Variants in PDZD2 observed in about 807,000 individuals in gnomAD.
The protein encoded by PDZD2 is PDZ domain containing 2.
Under a neutral mutation model 220.7 loss-of-function variants are expected in PDZD2, and 90 were observed. That is an observed-to-expected ratio of 0.41 (90% CI 0.34 to 0.49). The LOEUF (loss-of-function observed/expected upper bound fraction) is 0.49. PDZD2 is among the 20% of genes least tolerant of loss of function. The pLI, the probability that PDZD2 is intolerant of heterozygous loss-of-function variation, is 0.28. For synonymous variants in PDZD2, 1,375 were observed against 1,450.5 expected, an observed-to-expected ratio of 0.95 and a Z score of 1.18; for missense variants, 3,174 against 3,608.5, an observed-to-expected ratio of 0.88 and a Z score of 3.08.
chr5:32,078,005 A>C, intron 19 of PDZD2: 1 of 195,560 alleles, frequency 5.1e-6, no homozygotes. Context: ...TTAAGGAGAA[A>C]AATCTTTTAC....
intron 7 of PDZD2, among the ~76,000 whole-genome samples, chr5:32,038,602 G>A (rs1027635829): frequency 4.6e-5 from 7 of 151,454 alleles, no homozygotes; most frequent in East Asian, 1.9e-4. Flanking sequence ...TTACTATTAC[G>A]TTTATTTTTT....
At chr5:32,020,030 A>AATAT (rs371710368) in intron 6 of PDZD2, among the ~76,000 whole-genome samples, 8 of 150,758 alleles carry the variant, frequency 5.3e-5, no homozygotes, top group Non-Finnish European at 1.2e-4. Flanking sequence ...TGTAAAGTAG[A>AATAT]ATATATATAT....
At chr5:31,666,569 C>A (rs751601420) in intron 1 of PDZD2, among the ~76,000 whole-genome samples, 3 of 152,118 alleles carry the variant, frequency 2.0e-5, no homozygotes, top group Non-Finnish European at 4.4e-5. Flanking sequence ...AAAAATAGAA[C>A]CATGAGCTGG....
intron 1 of PDZD2, among the ~76,000 whole-genome samples, chr5:31,672,644 A>C (rs1317769652): frequency 6.6e-6 from 1 of 152,212 alleles, no homozygotes; most frequent in Non-Finnish European, 1.5e-5. Context: ...TTTGGAGTCT[A>C]GTATTTTTTC....
intron 2 of PDZD2, among the ~76,000 whole-genome samples, chr5:31,873,543 T>G (rs1739022922): frequency 6.8e-6 from 1 of 146,052 alleles, no homozygotes; most frequent in African/African-American, 2.6e-5. Flanking sequence ...TTTTATTTAT[T>G]TATTTATTTA....
intron 2 of PDZD2, among the ~76,000 whole-genome samples, chr5:31,963,021 T>C (rs1409334656): frequency 6.6e-6 from 1 of 152,220 alleles, no homozygotes; most frequent in Non-Finnish European, 1.5e-5. Flanking sequence ...TGCCTGTTAT[T>C]TCCTGCTGAG....
intron 1 of PDZD2, among the ~76,000 whole-genome samples, chr5:31,770,029 C>T (rs1261358082): frequency 6.6e-6 from 1 of 152,218 alleles, no homozygotes; most frequent in Non-Finnish European, 1.5e-5. Context: ...GCAGACTCTT[C>T]TTTTCCGAAA....
chr5:32,072,232 C>T lies in PDZD2; in HGVS notation c.2640C>T (p.Phe880=). 6.2e-7 allele frequency: 1 copy of T among 1,613,902 alleles called. No homozygotes were observed. The highest frequency in any genetic ancestry group is 8.5e-7 in the Non-Finnish European group (1 of 1,179,768). ...AHDVPGPLSD[F]MVAGSEDEDH... is the part of the protein sequence containing the mutation. ...ATGTCCCTGGCCCCTTGTCAGACTT[C>T]ATGGTGGCCGGTTCTGAGGACGAGG... The change falls in exon 17 of 25, where the codon TTC becomes TTT. Residue 880 remains phenylalanine, a synonymous_variant. Transcript: ENST00000438447.
At chr5:31,760,701 C>T (rs1441832619) in intron 1 of PDZD2, among the ~76,000 whole-genome samples, 2 of 152,090 alleles carry the variant, frequency 1.3e-5, no homozygotes, top group African/African-American at 2.4e-5. Context: ...TCGGGCGGAT[C>T]GCTTGAAACC....
rs147539933 is a variant in PDZD2, at chr5:31,681,518, G to T, written c.-361+42081G>T. The stretch of plus-strand genomic sequence containing the variant: ...CAACCTCGGCCTCTCAAAGTGCTAG[G>T]ATTACAGGCGTGAGCCTATACATAT... On this transcript the variant is annotated intron_variant, in intron 1 of 24. Coordinates refer to ENST00000438447, the MANE Select transcript of PDZD2 (RefSeq NM_178140.4). Among the ~76,000 whole-genome samples, 1,332 of 152,104 alleles carry T rather than the reference G, an allele frequency of 8.8e-3. 15 individuals carry two copies. Among genetic ancestry groups the T allele is most frequent in the African/African-American group, 0.03 (1,239 of 41,484 alleles).
intron 1 of PDZD2, among the ~76,000 whole-genome samples, chr5:31,719,993 G>A (rs570574822): frequency 2.0e-5 from 3 of 152,212 alleles, no homozygotes; most frequent in Non-Finnish European, 2.9e-5. Context: ...GCCAGTCCAG[G>A]CAATGCGCTG....
At chr5:31,842,351 C>T (rs768951099) in intron 2 of PDZD2, among the ~76,000 whole-genome samples, 1 of 152,176 alleles carries the variant, frequency 6.6e-6, no homozygotes, top group Non-Finnish European at 1.5e-5. Flanking sequence ...CAGTTACAGA[C>T]GAGAGAATCC....
chr5:32,011,183 T>C (rs1455339696), intron 6 of PDZD2, among the ~76,000 whole-genome samples: 1 of 151,890 alleles, frequency 6.6e-6, no homozygotes, highest in Non-Finnish European at 1.5e-5. Context: ...TGGTTCAAAG[T>C]GGAATGTTAA....
intron 14 of PDZD2, among the ~76,000 whole-genome samples, chr5:32,066,362 A>G (rs1740215817): frequency 6.6e-6 from 1 of 152,050 alleles, no homozygotes; most frequent in Admixed American, 6.6e-5. Context: ...TCAATCAGTC[A>G]CTCAATCCAA....
chr5:31,992,334 A>G (rs1004219735), intron 3 of PDZD2, among the ~76,000 whole-genome samples: 24 of 152,280 alleles, frequency 1.6e-4, no homozygotes, highest in African/African-American at 5.8e-4. Flanking sequence ...AGTGTTTTGC[A>G]TGACTTTATT....
intron 2 of PDZD2, among the ~76,000 whole-genome samples, chr5:31,938,664 A>G (rs954662164): frequency 1.3e-5 from 2 of 148,506 alleles, no homozygotes; most frequent in Admixed American, 1.4e-4. Flanking sequence ...CACTTTGGAA[A>G]AAAAAAAGAT....
At chr5:31,915,962 G>A (rs909625133) in intron 2 of PDZD2, among the ~76,000 whole-genome samples, 7 of 152,190 alleles carry the variant, frequency 4.6e-5, no homozygotes, top group Admixed American at 4.6e-4. Flanking sequence ...CAGCTTATAT[G>A]TGTGTTGGGG....
chr5:31,818,749 G>A (rs935944053), intron 2 of PDZD2, among the ~76,000 whole-genome samples: 5 of 151,966 alleles, frequency 3.3e-5, no homozygotes, highest in African/African-American at 1.2e-4. Flanking sequence ...TATTTCAATG[G>A]CAACATTAAA....
At chr5:31,687,236 AAG>A (rs1204926459) in intron 1 of PDZD2, among the ~76,000 whole-genome samples, 1 of 152,206 alleles carries the variant, frequency 6.6e-6, no homozygotes, top group Non-Finnish European at 1.5e-5. Flanking sequence ...AGAGAAATGC[AAG>A]AGTGTATATG....
Sources: allele counts gnomAD v4.1 joint callset (sites outside exome capture counted in the v4.1 genomes callset), GRCh38; gene constraint gnomAD v4.1.1; transcripts MANE v1.5; gene names NCBI Gene and HGNC (gene_info 2026-07-23, HGNC 2026-07-21).